Variants in HSPA9 observed in about 807,000 individuals in gnomAD.
HSPA9 encodes the protein heat shock protein family A (Hsp70) member 9.
HSPA9 carries 28 observed loss-of-function variants against 81.5 expected under a neutral mutation model. The ratio of observed to expected loss-of-function variants is 0.34; its 90% CI spans 0.25 to 0.47. The LOEUF is 0.47. Ranked by LOEUF, HSPA9 falls within the 20% of genes least tolerant of loss-of-function variation. HSPA9 has a pLI of 1.00. For synonymous variants in HSPA9, 293 were observed against 290.4 expected (o/e 1.01, Z -0.09); for missense variants, 678 against 838.0 (o/e 0.81, Z 2.36).
At chr5:138,566,517 A>G (rs1750766020) in intron 9 of HSPA9, 109 bp downstream of exon 9, 1 of 848,232 alleles carries the variant, frequency 1.2e-6, no homozygotes, top group Non-Finnish European at 2.0e-6. Context: ...AAAAACAAAC[A>G]AACAAAAAAA....
In HSPA9 at chr5:138,558,644, G is replaced by T; in HGVS notation, c.1424C>A (p.Ala475Asp). ...PTKKSQVFSTAADGQTQVEIK... is the reference protein window; with the variant it reads ...PTKKSQVFSTDADGQTQVEIK... ...TTCCACTTGCGTTTGACCATCAGCG[G>T]CAGTAGAGAATACCTAGGGAAGAAG... Residue 475 changes from alanine to aspartate, a missense_variant, in exon 12 of 17, where the codon GCC becomes GAC. By Grantham distance (126) the Ala-to-Asp change is moderately radical. Transcript: ENST00000297185. 6.2e-7 allele frequency: 1 copy of T among 1,610,962 alleles called. No individual in the cohort carries two copies. Among genetic ancestry groups the T allele is most frequent in the Non-Finnish European group, 8.5e-7 (1 of 1,177,230 alleles).
intron 11 of HSPA9, 112 bp from the exon 12 acceptor site, chr5:138,558,769 C>T (rs941974857): frequency 1.2e-5 from 9 of 744,926 alleles, no homozygotes; most frequent in African/African-American, 3.5e-5. Context: ...TCCTAATTTA[C>T]GGTATGTTCA....
In HSPA9 at chr5:138,554,613, A is replaced by C. The variant is rs532794770; in HGVS notation, c.*1424T>G. On this transcript the variant is annotated 3_prime_UTR_variant, in exon 17 of 17. Transcript: ENST00000297185. ...TTATACTGATTTTTGGAAATACAGTAATCTCATTTCTACATATTACAAAAC... is the reference window on the plus strand; with the variant it reads ...TTATACTGATTTTTGGAAATACAGTCATCTCATTTCTACATATTACAAAAC... Among the ~76,000 whole-genome samples, 1 of 152,370 alleles carries C rather than the reference A, an allele frequency of 6.6e-6. No individual in the cohort carries two copies. Among genetic ancestry groups the C allele is most frequent in the South Asian group, 2.1e-4 (1 of 4,832 alleles).
Position 138,557,974 on chromosome 5 carries a change from GTGGAATTCCAATCTAAA to G in HSPA9, c.1516-5_1527del. ...ATCTGAGGAACTCCACGAGGGGCTG[GTGGAATTCCAATCTAAA>G]ATAAATAATATCCAGAGTAAGGTCC... is the stretch of plus-strand genomic sequence containing the variant. On this transcript the variant is annotated splice_acceptor_variant and splice_polypyrimidine_tract_variant and coding_sequence_variant and intron_variant, in exon 13 of 17. Transcript: ENST00000297185. LOFTEE classifies it high-confidence loss of function. 1 of 1,605,546 alleles carries G rather than the reference GTGGAATTCCAATCTAAA, an allele frequency of 6.2e-7. No homozygotes were observed. Among genetic ancestry groups the G allele is most frequent in the Non-Finnish European group, 8.5e-7 (1 of 1,173,142 alleles).
intron 4 of HSPA9, among the ~76,000 whole-genome samples, chr5:138,569,944 A>AG (rs985274751): frequency 8.0e-5 from 12 of 149,968 alleles, no homozygotes; most frequent in Non-Finnish European, 1.6e-4. Context: ...CTCAGACTGG[A>AG]GTGCAATGGC....
At position 138,554,265 on chromosome 5, in the gene HSPA9, A is replaced by G. The variant is rs1269648860; in HGVS notation, c.*1772T>C. On this transcript the variant is annotated 3_prime_UTR_variant, in exon 17 of 17. Coordinates refer to ENST00000297185, the MANE Select transcript of HSPA9 (RefSeq NM_004134.7). ...TTGGCTCCTCTCTCTGATCCCAAGG[A>G]TGAATCTTGACTAGCATTAAGCCAG... 6.6e-6 allele frequency among the ~76,000 whole-genome samples: 1 copy of G among 152,252 alleles called. No individual in the cohort carries two copies. The highest frequency in any genetic ancestry group is 2.4e-5 in the African/African-American group (1 of 41,468).
At chr5:138,572,690 G>A (rs553658593) in intron 3 of HSPA9, among the ~76,000 whole-genome samples, 1 of 151,956 alleles carries the variant, frequency 6.6e-6, no homozygotes, top group South Asian at 2.1e-4. Context: ...GAAATAACCT[G>A]AACTGTCTAT....
chr5:138,571,738 C>T (rs1285905539), intron 3 of HSPA9, among the ~76,000 whole-genome samples: 1 of 151,160 alleles, frequency 6.6e-6, no homozygotes, highest in Non-Finnish European at 1.5e-5. Flanking sequence ...ACTCCCTGTC[C>T]TGGGTTCAAT....
In HSPA9 at chr5:138,556,022, A is replaced by G. The variant is rs1385293767; in HGVS notation, c.*15T>C. 1 of 1,596,710 alleles carries G rather than the reference A, an allele frequency of 6.3e-7. No homozygotes were observed. Among genetic ancestry groups the G allele is most frequent in the Non-Finnish European group, 8.6e-7 (1 of 1,164,576 alleles). On this transcript the variant is annotated 3_prime_UTR_variant, in exon 17 of 17. Coordinates refer to ENST00000297185, the MANE Select transcript of HSPA9 (RefSeq NM_004134.7). The stretch of plus-strand genomic sequence containing the variant: ...TTCATATGTTGTCCTTCTGGCTTCA[A>G]AATTTCTGCTATTATTACTGTTTTT...
At chr5:138,561,388 C>T (rs1264787641) in intron 10 of HSPA9, among the ~76,000 whole-genome samples, 192 bp downstream of exon 10, 2 of 152,136 alleles carry the variant, frequency 1.3e-5, no homozygotes, top group African/African-American at 2.4e-5. Flanking sequence ...GGATTATAGG[C>T]GTGAACCACC....
At chr5:138,572,900 C>CA (rs1554142938) in intron 3 of HSPA9, among the ~76,000 whole-genome samples, 5 of 145,256 alleles carry the variant, frequency 3.4e-5, no homozygotes, top group African/African-American at 1.3e-4. Context: ...ATAGTCTCTT[C>CA]TTTTTTTTTT....
chr5:138,568,164 G>A (rs778630098), intron 5 of HSPA9, among the ~76,000 whole-genome samples: 18 of 145,132 alleles, frequency 1.2e-4, no homozygotes, highest in African/African-American at 4.4e-4. Flanking sequence ...TAGCTTGGGC[G>A]ACAGAGCGAG....
At chr5:138,574,579 T>C (rs1304468332) in intron 1 of HSPA9, among the ~76,000 whole-genome samples, 1 of 152,214 alleles carries the variant, frequency 6.6e-6, no homozygotes, top group Admixed American at 6.5e-5. Context: ...GTAGTGGCGT[T>C]TCACTAGGAT....
chr5:138,563,762 C>A (rs1217665989), intron 9 of HSPA9, among the ~76,000 whole-genome samples: 1 of 152,234 alleles, frequency 6.6e-6, no homozygotes, highest in Non-Finnish European at 1.5e-5. Flanking sequence ...TTAACACTAA[C>A]AATAGCTGAT....
chr5:138,565,341 C>T (rs1377801171), intron 9 of HSPA9, among the ~76,000 whole-genome samples: 6 of 152,090 alleles, frequency 3.9e-5, no homozygotes, highest in African/African-American at 1.2e-4. Flanking sequence ...ACCATGGATG[C>T]GTGTGTATAA....
intron 9 of HSPA9, among the ~76,000 whole-genome samples, chr5:138,563,347 C>T (rs1295970201): frequency 1.3e-5 from 2 of 152,178 alleles, no homozygotes; most frequent in Non-Finnish European, 2.9e-5. Context: ...ATTATAGTAG[C>T]ACGACTCTAA....
rs760238097 is a variant in HSPA9, at chr5:138,568,346, AC to A, written c.535+578del. 3.3e-5 allele frequency among the ~76,000 whole-genome samples: 5 copies of A among 151,816 alleles called. No individual in the cohort carries two copies. In the East Asian group the frequency reaches 5.8e-4, roughly 18 times the overall value. ...AAACCCCCATCTCTTTACTAAAAAC[AC>A]AAAAGTGGCTAGGCATGATGGCGCA... On this transcript the variant is annotated intron_variant, in intron 5 of 16. Coordinates refer to ENST00000297185, the MANE Select transcript of HSPA9 (RefSeq NM_004134.7).
In HSPA9 at chr5:138,566,262, T is replaced by C. The variant is rs372124117; in HGVS notation, c.972+364A>G. ...CACAAGGAGAGAGGTTATTTAATAT[T>C]GTCAGTTAAGACAGCAGTTTTTCCA... On this transcript the variant is annotated intron_variant, in intron 9 of 16. Transcript: ENST00000297185. Among the ~76,000 whole-genome samples, 26 of 151,728 alleles carry C rather than the reference T, an allele frequency of 1.7e-4. No homozygotes were observed. In the East Asian group the frequency reaches 4.8e-3, roughly 28 times the overall value.
Position 138,559,888 on chromosome 5 carries a change from G to A in HSPA9, c.1386C>T (p.Thr462=). 6.2e-7 allele frequency: 1 copy of A among 1,610,774 alleles called. No individual in the cohort carries two copies. The highest frequency in any genetic ancestry group is 1.3e-5 in the African/African-American group (1 of 74,924). The change falls in exon 11 of 17, where the codon ACC becomes ACT. Residue 462 remains threonine (T), a synonymous_variant. Transcript: ENST00000297185. ...GVFTKLINRN[T]TIPTKKSQVF... is the part of the protein sequence containing the mutation. ...CCTGGCTCTTCTTGGTTGGAATAGT[G>A]GTATTCCTATTAATAAGTTTGGTAA...
Sources: gnomAD v4.1 joint callset for allele counts (sites outside exome capture counted in the v4.1 genomes callset) on GRCh38, gnomAD v4.1.1 for gene constraint, MANE v1.5 for transcripts, NCBI Gene and HGNC (gene_info 2026-07-23, HGNC 2026-07-21) for gene names.